MAP4K3: variants seen among roughly 807,000 people sequenced by gnomAD.
The protein encoded by MAP4K3 is MAPK/ERK kinase kinase kinase 3.
Under a neutral mutation model 143.5 loss-of-function variants are expected in MAP4K3, and 94 were observed. That is an observed-to-expected ratio of 0.65 (90% CI 0.55 to 0.78). The LOEUF (loss-of-function observed/expected upper bound fraction) is 0.78. Ranked by LOEUF, MAP4K3 falls within the 30% of genes least tolerant of loss-of-function variation. The probability of loss-of-function intolerance (pLI) is 0.00; values close to 1 mark genes in which losing one functional copy is unlikely to be tolerated. For missense variants in MAP4K3, 1,077 were observed against 1,068.1 expected, an observed-to-expected ratio of 1.01 and a Z score of -0.12; for synonymous variants, 416 against 347.2, an observed-to-expected ratio of 1.20 and a Z score of -2.20.
At chr2:39,290,381 A>C (rs746083313) in intron 18 of MAP4K3, 47 bp from the exon 19 acceptor site, 6 of 1,213,086 alleles carry the variant, frequency 4.9e-6, no homozygotes, top group African/African-American at 1.5e-5. Context: ...TTTACAAATG[A>C]ATCAATCCTA....
intron 1 of MAP4K3, among the ~76,000 whole-genome samples, chr2:39,429,933 A>G (rs1665232802): frequency 6.6e-6 from 1 of 152,208 alleles, no homozygotes; most frequent in Admixed American, 6.5e-5. Flanking sequence ...TTTTCATCAA[A>G]AGTGCTGAGG....
intron 21 of MAP4K3, among the ~76,000 whole-genome samples, chr2:39,285,271 T>A (rs931527231): frequency 1.3e-5 from 2 of 152,192 alleles, no homozygotes; most frequent in African/African-American, 2.4e-5. Context: ...CATGGACATA[T>A]TTATTTCAGA....
chr2:39,422,129 T>C (rs887801262), intron 1 of MAP4K3, among the ~76,000 whole-genome samples: 7 of 151,862 alleles, frequency 4.6e-5, no homozygotes, highest in Non-Finnish European at 1.0e-4. Context: ...TAAATACTCC[T>C]GAGAAAAACA....
rs1681073636 is a variant in MAP4K3, at chr2:39,272,549, A to T, written c.1795-7T>A. On this transcript the variant is annotated splice_polypyrimidine_tract_variant and splice_region_variant and intron_variant, in intron 24 of 33. Coordinates refer to ENST00000263881, the MANE Select transcript of MAP4K3 (RefSeq NM_003618.4). ...TACACCTTCGAGGGAATAGCTGATT[A>T]AAAAAAGGCACAAAGTTTACAAAGA... 1.2e-6 allele frequency: 2 copies of T among 1,607,144 alleles called. No individual in the cohort carries two copies. Among genetic ancestry groups the T allele is most frequent in the Non-Finnish European group, 1.7e-6 (2 of 1,174,602 alleles).
In MAP4K3 at chr2:39,369,193, G is replaced by GTTTTTTTGTTTGTTTTTTTTTTTTTTTT. The variant is rs747293878; in HGVS notation, c.154+8872_154+8873insAAAAAAAAAAAAAAAACAAACAAAAAAA. On this transcript the variant is annotated intron_variant, in intron 2 of 33. Coordinates refer to ENST00000263881, the MANE Select transcript of MAP4K3 (RefSeq NM_003618.4). ...GGGTAAAATCTAAACCTTTGGGCTA[G>GTTTTTTTGTTTGTTTTTTTTTTTTTTTT]TTTTTTTTTTTGTTTTTTTTGAGAT... is the stretch of plus-strand genomic sequence containing the variant. Among the ~76,000 whole-genome samples the GTTTTTTTGTTTGTTTTTTTTTTTTTTTT allele has an allele frequency of 7.9e-5, 3 of 37,958 alleles. 1 individual carries two copies. The highest frequency in any genetic ancestry group is 1.7e-4 in the African/African-American group (3 of 17,230). The allele number at this position is 37,958 out of a possible 152,430, so 24.9% of individuals were successfully genotyped here.
chr2:39,356,890 T>C (rs2148553812), intron 2 of MAP4K3, among the ~76,000 whole-genome samples: 1 of 152,330 alleles, frequency 6.6e-6, no homozygotes, highest in East Asian at 1.9e-4. Context: ...AGTAATTCTT[T>C]TCTAAGTTAG....
intron 12 of MAP4K3, among the ~76,000 whole-genome samples, chr2:39,322,279 T>C (rs1454007356): frequency 2.0e-5 from 3 of 152,200 alleles, no homozygotes; most frequent in Non-Finnish European, 4.4e-5. Flanking sequence ...TCATACAGAC[T>C]GTTATTAATG....
intron 3 of MAP4K3, among the ~76,000 whole-genome samples, chr2:39,350,487 C>T (rs1665423046): frequency 6.6e-6 from 1 of 152,226 alleles, no homozygotes; most frequent in African/African-American, 2.4e-5. Flanking sequence ...GCAAGAGTAG[C>T]TGGGTATAAA....
At position 39,260,732 on chromosome 2, in the gene MAP4K3, G is replaced by A. The variant is rs543966976; in HGVS notation, c.2182C>T (p.Leu728=). ...GGGTACTCCTGTTCAGGAACTACCA[G>A]CATTTCAAACATTCTAAGTGGACAT... ...IPCPLRMFEM[L]VVPEQEYPLV... Residue 728 remains leucine, a synonymous_variant, in exon 29 of 34, where the codon CTG becomes TTG. Coordinates refer to ENST00000263881, the MANE Select transcript of MAP4K3 (RefSeq NM_003618.4). 13 of 1,613,578 alleles carry A rather than the reference G, an allele frequency of 8.1e-6. No individual in the cohort carries two copies. The Admixed American group carries it at 1.8e-4, about 23-fold the overall frequency.
At position 39,280,338 on chromosome 2, in the gene MAP4K3, T is replaced by G. The variant is rs754523576; in HGVS notation, c.1648A>C (p.Lys550Gln). The change falls in exon 23 of 34, where the codon AAA becomes CAA. Residue 550 changes from lysine to glutamine, a missense_variant. Lys to Gln is a moderately conservative substitution (Grantham distance 53). Around this residue, in one of 2 missense-constraint regions of MAP4K3, gnomAD observed 864 missense variants for 801.2 expected, o/e 1.08. Transcript: ENST00000263881. ...TTCAAGGGACACCCATTAAAAACTT[T>G]TGAAAAACATGCACCCATCTAGGGA... ...PKVHMGACFS[K>Q]VFNGCPLKIH... 42 of 1,604,116 alleles carry G rather than the reference T, an allele frequency of 2.6e-5. No homozygotes were observed. Among genetic ancestry groups the G allele is most frequent in the Non-Finnish European group, 3.5e-5 (41 of 1,173,898 alleles).
intron 1 of MAP4K3, among the ~76,000 whole-genome samples, chr2:39,435,331 C>T (rs989462565): frequency 6.6e-6 from 1 of 152,184 alleles, no homozygotes; most frequent in Non-Finnish European, 1.5e-5. Context: ...CTAAACAAGT[C>T]CGATCTCCTA....
intron 12 of MAP4K3, among the ~76,000 whole-genome samples, chr2:39,320,779 T>A (rs916832191): frequency 3.3e-5 from 5 of 152,222 alleles, no homozygotes; most frequent in Admixed American, 2.0e-4. Flanking sequence ...ATTATTGCAA[T>A]ACCCAATAGC....
intron 15 of MAP4K3, among the ~76,000 whole-genome samples, chr2:39,303,273 G>A (rs1682577911): frequency 6.6e-6 from 1 of 152,136 alleles, no homozygotes; most frequent in African/African-American, 2.4e-5. Flanking sequence ...TATAGAAATA[G>A]AGAGGTGTTG....
chr2:39,409,485 T>C (rs1667181707), intron 1 of MAP4K3, among the ~76,000 whole-genome samples: 1 of 152,178 alleles, frequency 6.6e-6, no homozygotes, highest in South Asian at 2.1e-4. Context: ...TCCCAGCTAC[T>C]CTAGAGGCTG....
At chr2:39,395,104 T>C (rs1666768215) in intron 1 of MAP4K3, among the ~76,000 whole-genome samples, 1 of 152,096 alleles carries the variant, frequency 6.6e-6, no homozygotes, top group South Asian at 2.1e-4. Flanking sequence ...CATTCTAATA[T>C]CCAGTTTAAT....
At chr2:39,328,629 G>C (rs188373711) in intron 8 of MAP4K3, among the ~76,000 whole-genome samples, 1 of 152,112 alleles carries the variant, frequency 6.6e-6, no homozygotes, top group Non-Finnish European at 1.5e-5. Context: ...AATGTGTTCT[G>C]GTGGTTTCTT....
intron 1 of MAP4K3, among the ~76,000 whole-genome samples, chr2:39,405,991 T>C (rs1667082605): frequency 6.6e-6 from 1 of 151,940 alleles, no homozygotes; most frequent in Non-Finnish European, 1.5e-5. Context: ...AAATTCAAGA[T>C]AACTCAGAGA....
intron 21 of MAP4K3, among the ~76,000 whole-genome samples, chr2:39,285,510 G>C (rs1047889716): frequency 6.6e-6 from 1 of 152,168 alleles, no homozygotes; most frequent in African/African-American, 2.4e-5. Flanking sequence ...AAAAGGCACT[G>C]CTCAGTTGGA....
At chr2:39,326,795 G>A (rs1683504262) in intron 8 of MAP4K3, among the ~76,000 whole-genome samples, 1 of 152,096 alleles carries the variant, frequency 6.6e-6, no homozygotes, top group Non-Finnish European at 1.5e-5. Context: ...ATAGTGAGCA[G>A]GTTCTCACAA....
Sources: gnomAD v4.1 joint callset for allele counts (sites outside exome capture counted in the v4.1 genomes callset) on GRCh38, gnomAD v4.1.1 for gene constraint, gnomAD v4.1.1 regional missense constraint, MANE v1.5 for transcripts, NCBI Gene and HGNC (gene_info 2026-07-23, HGNC 2026-07-21) for gene names.